The following SHC3 variants were observed in gnomAD, a reference collection of about 807,000 sequenced individuals.
SHC3 encodes the protein SHC-transforming protein 3.
SHC3 carries 15 observed loss-of-function variants against 60.4 expected under a neutral mutation model. The observed-to-expected ratio is 0.25, with a 90% CI of 0.17 to 0.38. The LOEUF is 0.38. Among genes scored for constraint, SHC3 ranks in the 10% least tolerant of loss-of-function variants. The pLI, the probability that SHC3 is intolerant of heterozygous loss-of-function variation, is 1.00. For missense variants in SHC3, 677 were observed against 786.1 expected (o/e 0.86, Z 1.66); for synonymous variants, 294 against 325.9 (o/e 0.90, Z 1.05).
rs928104426 is a variant in SHC3, at chr9:89,019,925, G to A, written c.1657-6350C>T. Among the ~76,000 whole-genome samples, 37 of 152,244 alleles carry A rather than the reference G, an allele frequency of 2.4e-4. 1 individual carries two copies. Among genetic ancestry groups the A allele is most frequent in the Non-Finnish European group, 4.6e-4 (31 of 68,018 alleles). ...GCACTGGGTGGGACTCGGTTTTCAG[G>A]GAGAGAAGCTGGAGGAAGTGAGGTT... On this transcript the variant is annotated intron_variant, in intron 11 of 11. Coordinates refer to ENST00000375835, the MANE Select transcript of SHC3 (RefSeq NM_016848.6).
At chr9:89,030,421 A>T (rs1824467922) in intron 11 of SHC3, among the ~76,000 whole-genome samples, 1 of 152,250 alleles carries the variant, frequency 6.6e-6, no homozygotes. Context: ...CATTCTTTAT[A>T]CATGCTAACC....
intron 6 of SHC3, among the ~76,000 whole-genome samples, chr9:89,053,636 G>A (rs1258267240): frequency 6.6e-6 from 1 of 152,198 alleles, no homozygotes; most frequent in Non-Finnish European, 1.5e-5. Flanking sequence ...CAACCCCTTG[G>A]ATACGGCAGT....
chr9:89,093,525 C>T (rs1054933629), intron 2 of SHC3, among the ~76,000 whole-genome samples: 3 of 150,916 alleles, frequency 2.0e-5, no homozygotes, highest in Non-Finnish European at 1.5e-5. Flanking sequence ...CAAAAAGCTC[C>T]CACAAATTGA....
At chr9:89,177,895 G>A in intron 1 of SHC3, 92 bp downstream of exon 1, 3 of 1,133,842 alleles carry the variant, frequency 2.6e-6, no homozygotes, top group South Asian at 8.8e-5. Context: ...TCGCGGGAGC[G>A]CCCCGCACCC....
chr9:89,089,604 A>G (rs1300393246), intron 2 of SHC3, among the ~76,000 whole-genome samples: 1 of 152,236 alleles, frequency 6.6e-6, no homozygotes, highest in Non-Finnish European at 1.5e-5. Context: ...CCCATTTGGG[A>G]AAAGTAAACC....
At chr9:89,157,559 C>T (rs567191990) in intron 1 of SHC3, among the ~76,000 whole-genome samples, 1 of 152,282 alleles carries the variant, frequency 6.6e-6, no homozygotes, top group South Asian at 2.1e-4. Flanking sequence ...GTTAGATTGG[C>T]AACAAGAAAC....
chr9:89,018,674 T>A lies in SHC3; in HGVS notation c.1657-5099A>T, dbSNP rs557957634. Among the ~76,000 whole-genome samples, 3 of 150,022 alleles carry A rather than the reference T, an allele frequency of 2.0e-5. No individual in the cohort carries two copies. In the East Asian group the frequency reaches 5.8e-4, roughly 29 times the overall value. ...TTAAAAAAAACTCTTGATAAAGTAG[T>A]TTTTTTTTCTTTCTTTCTTTCTTTC... On this transcript the variant is annotated intron_variant, in intron 11 of 11. Transcript: ENST00000375835.
chr9:89,178,539 A>G lies in SHC3; in HGVS notation c.-79T>C. On this transcript the variant is annotated 5_prime_UTR_variant, in exon 1 of 12. Coordinates refer to ENST00000375835, the MANE Select transcript of SHC3 (RefSeq NM_016848.6). The surrounding 1 kb of genome is among the most constrained non-coding windows in gnomAD (Gnocchi z 6.9). Reference sequence around the variant, plus strand: ...CGCGGGCTGCCGCGCATAGCAGGCGAGCCACTGTCCCCGGAGCGGGACGGA... The same window carrying G: ...CGCGGGCTGCCGCGCATAGCAGGCGGGCCACTGTCCCCGGAGCGGGACGGA... 1 of 1,335,748 alleles carries G rather than the reference A, an allele frequency of 7.5e-7. No homozygotes were observed. The highest frequency in any genetic ancestry group is 1.7e-5 in the South Asian group (1 of 59,088). 82.7% of individuals were successfully genotyped at this position (1,335,748 alleles called of 1,614,324 possible). A position where few individuals can be genotyped will look rare whatever the true frequency, so the allele number is the denominator to read the frequency against.
At chr9:89,073,075 C>A (rs768967662) in intron 4 of SHC3, among the ~76,000 whole-genome samples, 1 of 152,044 alleles carries the variant, frequency 6.6e-6, no homozygotes, top group Non-Finnish European at 1.5e-5. Context: ...TTCCCTCTGG[C>A]GCAAAGGTAG....
At chr9:89,096,151 C>A (rs947397075) in intron 2 of SHC3, among the ~76,000 whole-genome samples, 1 of 152,182 alleles carries the variant, frequency 6.6e-6, no homozygotes. Flanking sequence ...GTTGAATACG[C>A]ATGAGAGAGG....
chr9:89,122,958 A>C (rs1359913214), intron 1 of SHC3, among the ~76,000 whole-genome samples: 2 of 152,242 alleles, frequency 1.3e-5, no homozygotes, highest in African/African-American at 4.8e-5. Context: ...AGGAGGCAGG[A>C]GGCAAGGCTC....
intron 6 of SHC3, among the ~76,000 whole-genome samples, chr9:89,064,415 T>C (rs1028819397): frequency 1.3e-5 from 2 of 152,192 alleles, no homozygotes; most frequent in African/African-American, 4.8e-5. Flanking sequence ...CTGATTCCCA[T>C]GTCGCTGGAC....
At chr9:89,029,622 G>C (rs1017605725) in intron 11 of SHC3, among the ~76,000 whole-genome samples, 1 of 152,078 alleles carries the variant, frequency 6.6e-6, no homozygotes, top group African/African-American at 2.4e-5. Context: ...ATATGTCCCT[G>C]GGATGATGAG....
intron 6 of SHC3, among the ~76,000 whole-genome samples, chr9:89,055,694 G>A (rs1175941079): frequency 6.6e-6 from 1 of 152,172 alleles, no homozygotes; most frequent in African/African-American, 2.4e-5. Context: ...CTTCTCCCAA[G>A]CAGGAGGGGG....
chr9:89,150,955 A>G (rs1826537283), intron 1 of SHC3, among the ~76,000 whole-genome samples: 1 of 150,610 alleles, frequency 6.6e-6, no homozygotes, highest in Non-Finnish European at 1.5e-5. Flanking sequence ...TTTGATTCAC[A>G]TTTCCCTAAT....
In SHC3 at chr9:89,011,107, C is replaced by G. The variant is rs559636199; in HGVS notation, c.*2340G>C. ...CTGAAGCCTGCTCACTTCACTGGCA[C>G]TATTCTAGTGTAACCAATATATAAT... On this transcript the variant is annotated 3_prime_UTR_variant, in exon 12 of 12. Coordinates refer to ENST00000375835, the MANE Select transcript of SHC3 (RefSeq NM_016848.6). 1 of 152,284 alleles carries G rather than the reference C, an allele frequency of 6.6e-6. No homozygotes were observed. Among genetic ancestry groups the G allele is most frequent in the East Asian group, 1.9e-4 (1 of 5,178 alleles). 9.4% of individuals were successfully genotyped at this position (152,284 alleles called of 1,614,324 possible).
At chr9:89,142,484 A>C (rs1826407612) in intron 1 of SHC3, among the ~76,000 whole-genome samples, 1 of 151,954 alleles carries the variant, frequency 6.6e-6, no homozygotes, top group Non-Finnish European at 1.5e-5. Context: ...GAAGTTCAAA[A>C]CCAGCCTGGC....
At position 89,010,993 on chromosome 9, in the gene SHC3, G is replaced by A. The variant is rs1441405682; in HGVS notation, c.*2454C>T. 1 of 152,250 alleles carries A rather than the reference G, an allele frequency of 6.6e-6. No individual in the cohort carries two copies. 9.4% of individuals were successfully genotyped at this position (152,250 alleles called of 1,614,324 possible). On this transcript the variant is annotated 3_prime_UTR_variant, in exon 12 of 12. Transcript: ENST00000375835. ...GAATGGCCCACCACACAGTGCTGGA[G>A]GGAAGAGTTGGGATAACTAATGTGT...
intron 2 of SHC3, among the ~76,000 whole-genome samples, chr9:89,088,429 C>G (rs759906657): frequency 5.9e-5 from 9 of 152,180 alleles, no homozygotes; most frequent in Non-Finnish European, 8.8e-5. Context: ...AACACATATT[C>G]TCAGGACCTC....
Sources: allele counts gnomAD v4.1 joint callset (sites outside exome capture counted in the v4.1 genomes callset), GRCh38; gene constraint gnomAD v4.1.1; non-coding constraint Gnocchi (gnomAD v3.1); transcripts MANE v1.5; gene names NCBI Gene and HGNC (gene_info 2026-07-23, HGNC 2026-07-21).